LPO: variants seen among roughly 807,000 people sequenced by gnomAD.
LPO encodes salivary peroxidase.
A neutral mutation model predicts 68.4 loss-of-function variants in LPO; 70 were observed. That is an observed-to-expected ratio of 1.02 (90% CI 0.84 to 1.25). The LOEUF is 1.25. LPO is among the 50% of genes most tolerant of loss of function. LPO has a pLI of 0.00. For synonymous variants in LPO, 360 were observed against 357.6 expected (o/e 1.01, Z -0.08); for missense variants, 873 against 908.4 (o/e 0.96, Z 0.50).
intron 9 of LPO, among the ~76,000 whole-genome samples, chr17:58,257,610 G>A (rs1032837865): frequency 2.6e-4 from 39 of 152,158 alleles, no homozygotes; most frequent in African/African-American, 9.2e-4. Flanking sequence ...GTAAGAGTGC[G>A]GATATCTCTT....
chr17:58,264,933 T>C lies in LPO; in HGVS notation c.1478T>C (p.Leu493Pro). 1 of 1,614,208 alleles carries C rather than the reference T, an allele frequency of 6.2e-7. No individual in the cohort carries two copies. The highest frequency in any genetic ancestry group is 8.5e-7 in the Non-Finnish European group (1 of 1,180,032). ...QPWGPEPELP[L>P]HTLFFNTWRM... ...TGGGGGCCAGAACCAGAACTCCCCC[T>C]CCACACCCTCTTCTTCAACACTTGG... Residue 493 changes from leucine (L) to proline (P), a missense_variant, in exon 10 of 13, where the codon CTC (leucine) becomes CCC (proline). Physicochemically the swap from Leu to Pro is moderately conservative, Grantham distance 98. Transcript: ENST00000262290.
rs1970055922 is a variant in LPO at position 58,255,585 on chromosome 17, A to G, written c.1266+614A>G. On this transcript the variant is annotated intron_variant, in intron 9 of 12. Transcript: ENST00000262290. ...GTTTGGGAACAGAGAAGGTAGCTGG[A>G]GGCGCAGCACCGAGCAGAGGGCAGA... Among the ~76,000 whole-genome samples the G allele has an allele frequency of 2.6e-5, 4 of 152,176 alleles. No homozygotes were observed. In the South Asian group the frequency reaches 8.3e-4, roughly 32 times the overall value.
intron 1 of LPO, among the ~76,000 whole-genome samples, chr17:58,241,220 C>T (rs1464589486): frequency 6.8e-6 from 1 of 147,000 alleles, no homozygotes; most frequent in Non-Finnish European, 1.5e-5. Context: ...AAGGGATTCT[C>T]CTGCCTCAGT....
chr17:58,250,470 A>T lies in LPO; in HGVS notation c.629A>T (p.Asp210Val). 1 of 1,614,076 alleles carries T rather than the reference A, an allele frequency of 6.2e-7. No homozygotes were observed. Among genetic ancestry groups the T allele is most frequent in the South Asian group, 1.1e-5 (1 of 91,082 alleles). The change falls in exon 7 of 13, where the codon GAC becomes GTC. Residue 210 changes from aspartate to valine, a missense_variant. Transcript: ENST00000262290. ...VGYLNEEGVL[D>V]QNRSLLFMQW... ...TATCTGAATGAGGAGGGTGTTCTGG[A>T]CCAAAACAGGTCCCTGCTCTTCATG...
Position 58,249,131 on chromosome 17 carries a change from G to T in LPO, c.397G>T (p.Asp133Tyr). Residue 133 changes from aspartate to tyrosine, a missense_variant, in exon 5 of 13, where the codon GAC becomes TAC. Physicochemically the swap from Asp to Tyr is radical, Grantham distance 160 (BLOSUM62 -3). Transcript: ENST00000262290. ...CGAPAPVVRCDPCSPYRTITG... is the reference protein window; with the variant it reads ...CGAPAPVVRCYPCSPYRTITG... ...TGCTCCTGCTCCCGTGGTGAGATGC[G>T]ACCCGTGCAGCCCTTACCGCACCAT... 1 of 1,614,172 alleles carries T rather than the reference G, an allele frequency of 6.2e-7. No homozygotes were observed. Among genetic ancestry groups the T allele is most frequent in the Non-Finnish European group, 8.5e-7 (1 of 1,180,032 alleles).
At chr17:58,250,328 G>A (rs1969934216) in intron 6 of LPO, 87 bp from the exon 7 acceptor site, 1 of 1,019,196 alleles carries the variant, frequency 9.8e-7, no homozygotes, top group African/African-American at 1.6e-5. Context: ...TTGTAACATG[G>A]TAGGTAGTTA....
rs1329469181 is a variant in LPO, at chr17:58,250,420, G to C, written c.579G>C (p.Arg193=). 2 of 1,613,922 alleles carry C rather than the reference G, an allele frequency of 1.2e-6. No individual in the cohort carries two copies. Among genetic ancestry groups the C allele is most frequent in the Admixed American group, 1.7e-5 (1 of 60,006 alleles). ...CCTTCTCTCTCCATCTGTAGGCCCG[G>C]GAGGTATCTAACAAGATTGTTGGCT... ...TRNGFPLPLA[R]EVSNKIVGYL... The change falls in exon 7 of 13, where the codon CGG becomes CGC. Residue 193 remains arginine (R), a synonymous_variant. Transcript: ENST00000262290.
At chr17:58,249,528 G>A in intron 5 of LPO, 38 bp from the exon 6 acceptor site, 1 of 1,592,802 alleles carries the variant, frequency 6.3e-7, no homozygotes, top group Non-Finnish European at 8.5e-7. Flanking sequence ...CCCCGGAGCC[G>A]GCCTGCCGAA....
intron 11 of LPO, among the ~76,000 whole-genome samples, 198 bp from the exon 12 acceptor site, chr17:58,267,151 G>A (rs990855601): frequency 6.6e-6 from 1 of 152,212 alleles, no homozygotes; most frequent in Non-Finnish European, 1.5e-5. Flanking sequence ...TGATTGCTTA[G>A]TGGTTACATA....
chr17:58,248,615 T>C (rs1969895133), intron 4 of LPO, among the ~76,000 whole-genome samples: 1 of 152,100 alleles, frequency 6.6e-6, no homozygotes, highest in Non-Finnish European at 1.5e-5. Context: ...CCAACCTCTA[T>C]CCTAGCTATG....
At position 58,247,557 on chromosome 17, in the gene LPO, C is replaced by A; in HGVS notation, c.244C>A (p.Arg82Ser). 4 of 1,614,156 alleles carry A rather than the reference C, an allele frequency of 2.5e-6. No homozygotes were observed. Among genetic ancestry groups the A allele is most frequent in the Non-Finnish European group, 3.4e-6 (4 of 1,180,030 alleles). ...CCTCAAGCATGCCAAAGGCCGGACG[C>A]GCACAGCCATCCGCAATGGACAGGT... is the stretch of plus-strand genomic sequence containing the variant. ...EYLKHAKGRTRTAIRNGQVWE... is the reference protein window; with the variant it reads ...EYLKHAKGRTSTAIRNGQVWE... The change falls in exon 4 of 13, where the codon CGC becomes AGC. Residue 82 changes from arginine (R) to serine (S), a missense_variant. Physicochemically the swap from Arg to Ser is moderately radical, Grantham distance 110. Transcript: ENST00000262290.
rs1206063199 is a variant in LPO at position 58,264,815 on chromosome 17, C to G, written c.1360C>G (p.Pro454Ala). The G allele has an allele frequency of 2.5e-6, 4 of 1,614,116 alleles. No homozygotes were observed. In the Admixed American group the frequency reaches 6.7e-5, roughly 27 times the overall value. ...TCAAGGCTACAGTGAATCTGTGGAT[C>G]CCAGAATTTCCAATGTCTTCACCTT... is the stretch of plus-strand genomic sequence containing the variant. ...PYQGYSESVD[P>A]RISNVFTFAF... The change falls in exon 10 of 13, where the codon CCC becomes GCC. Residue 454 changes from proline to alanine, a missense_variant. Pro to Ala is a conservative substitution (Grantham distance 27). Transcript: ENST00000262290.
At chr17:58,256,421 T>A (rs1039585672) in intron 9 of LPO, among the ~76,000 whole-genome samples, 11 of 149,576 alleles carry the variant, frequency 7.4e-5, no homozygotes, top group South Asian at 2.1e-4. Flanking sequence ...TTTTTTTTTT[T>A]AATTTTTTAA....
In LPO at chr17:58,241,778, G is replaced by A. The variant is rs940136358; in HGVS notation, c.-2-1200G>A. 3.9e-5 allele frequency among the ~76,000 whole-genome samples: 6 copies of A among 152,212 alleles called. 1 individual carries two copies. In the South Asian group the frequency reaches 1.2e-3, roughly 32 times the overall value. ...TTATTAGGGGGACCACGAAAGGGCAGAGGGAAAAATTGGAGGCAGGCAGGG... is the reference window on the plus strand; with the variant it reads ...TTATTAGGGGGACCACGAAAGGGCAAAGGGAAAAATTGGAGGCAGGCAGGG... On this transcript the variant is annotated intron_variant, in intron 1 of 12. Coordinates refer to ENST00000262290, the MANE Select transcript of LPO (RefSeq NM_006151.3).
intron 9 of LPO, among the ~76,000 whole-genome samples, chr17:58,259,557 A>T (rs1970138026): frequency 6.6e-6 from 1 of 152,158 alleles, no homozygotes; most frequent in South Asian, 2.1e-4. Flanking sequence ...ATATTCTAGG[A>T]TCTTTCCCTT....
At chr17:58,253,022 C>CAAAAAA (rs765890765) in intron 8 of LPO, among the ~76,000 whole-genome samples, 2 of 31,100 alleles carry the variant, frequency 6.4e-5, no homozygotes, top group African/African-American at 1.3e-4. Flanking sequence ...GACTCCATCT[C>CAAAAAA]AAAAAAAAAA....
chr17:58,267,698 T>C, intron 12 of LPO, 89 bp from the exon 13 acceptor site: 2 of 1,470,092 alleles, frequency 1.4e-6, no homozygotes, highest in Non-Finnish European at 1.9e-6. Context: ...GGGCTTTTCA[T>C]GGTCCCTGTG....
At chr17:58,245,211 G>A (rs999983307) in intron 3 of LPO, among the ~76,000 whole-genome samples, 5 of 152,122 alleles carry the variant, frequency 3.3e-5, no homozygotes, top group African/African-American at 7.2e-5. Flanking sequence ...GGCCTCTGGC[G>A]GGAGAAGAGA....
chr17:58,264,053 A>G (rs1346550724), intron 9 of LPO, among the ~76,000 whole-genome samples: 2 of 152,206 alleles, frequency 1.3e-5, no homozygotes, highest in Non-Finnish European at 2.9e-5. Context: ...CCTCACTGTG[A>G]AAGCTAGATA....
Sources: allele counts gnomAD v4.1 joint callset (sites outside exome capture counted in the v4.1 genomes callset), GRCh38; gene constraint gnomAD v4.1.1; transcripts MANE v1.5; gene names NCBI Gene and HGNC (gene_info 2026-07-23, HGNC 2026-07-21).